ZNF385D: variants seen among roughly 807,000 people sequenced by gnomAD.
The protein encoded by ZNF385D is zinc finger protein 385D, also known as zinc finger protein 659.
ZNF385D carries 15 observed loss-of-function variants against 35.8 expected under a neutral mutation model. The observed-to-expected ratio is 0.42, with a 90% CI of 0.28 to 0.64. ZNF385D has a LOEUF of 0.64. ZNF385D is among the 30% of genes least tolerant of loss of function. The pLI, the probability that ZNF385D is intolerant of heterozygous loss-of-function variation, is 0.23. For synonymous variants in ZNF385D, 212 were observed against 186.8 expected, an observed-to-expected ratio of 1.13 and a Z score of -1.10; for missense variants, 474 against 494.6, an observed-to-expected ratio of 0.96 and a Z score of 0.39.
At chr3:21,783,015 T>C (rs2071550898) in intron 3 of ZNF385D, among the ~76,000 whole-genome samples, 1 of 152,142 alleles carries the variant, frequency 6.6e-6, no homozygotes, top group African/African-American at 2.4e-5. Flanking sequence ...TTTCTACTTA[T>C]AGCCCTGACC....
chr3:21,665,095 T>C (rs536988519), intron 1 of ZNF385D, 67 bp from the exon 2 acceptor site: 2 of 1,494,348 alleles, frequency 1.3e-6, no homozygotes, highest in Admixed American at 2.5e-5. Context: ...CAAAGTTGCT[T>C]TTGAGACAAA....
intron 4 of ZNF385D, among the ~76,000 whole-genome samples, chr3:21,498,513 A>G (rs1419109334): frequency 2.0e-5 from 3 of 152,202 alleles, no homozygotes; most frequent in African/African-American, 7.2e-5. Context: ...ATTTACAAGC[A>G]AAAAACAAGC....
rs139145918 is a variant in ZNF385D at position 21,429,181 on chromosome 3, T to C, written c.674-3511A>G. Reference sequence around the variant, plus strand: ...AAATCATACATTAGAAATAATTTATTAGGTCACAAGATAAATTTAAAAAAA... The same window carrying C: ...AAATCATACATTAGAAATAATTTATCAGGTCACAAGATAAATTTAAAAAAA... On this transcript the variant is annotated intron_variant, in intron 5 of 7. Coordinates refer to ENST00000281523, the MANE Select transcript of ZNF385D (RefSeq NM_024697.3). Among the ~76,000 whole-genome samples, 259 of 151,926 alleles carry C rather than the reference T, an allele frequency of 1.7e-3. 10 individuals carry two copies. The East Asian group carries it at 0.046, about 27-fold the overall frequency.
intron 2 of ZNF385D, among the ~76,000 whole-genome samples, chr3:22,342,042 A>C (rs1340313915): frequency 6.6e-6 from 1 of 151,972 alleles, no homozygotes; most frequent in African/African-American, 2.4e-5. Context: ...TTGGGAGGCC[A>C]AGGCAGGCAG....
chr3:21,809,669 T>C (rs6770993), intron 3 of ZNF385D, among the ~76,000 whole-genome samples: 3 of 149,358 alleles, frequency 2.0e-5, no homozygotes, highest in African/African-American at 5.0e-5. Flanking sequence ...TATATACACA[T>C]ATATACACAC....
intron 3 of ZNF385D, among the ~76,000 whole-genome samples, chr3:22,078,213 A>C (rs891502954): frequency 2.0e-5 from 3 of 152,054 alleles, no homozygotes; most frequent in African/African-American, 7.2e-5. Context: ...AAATAATCAC[A>C]GCATAGACCC....
chr3:21,889,740 C>G (rs902633486), intron 3 of ZNF385D, among the ~76,000 whole-genome samples: 3 of 152,098 alleles, frequency 2.0e-5, no homozygotes, highest in African/African-American at 7.2e-5. Context: ...GCTGCCATGA[C>G]AAAGTACCAT....
intron 3 of ZNF385D, among the ~76,000 whole-genome samples, chr3:21,550,670 A>T (rs1305124659): frequency 6.6e-6 from 1 of 152,102 alleles, no homozygotes; most frequent in Non-Finnish European, 1.5e-5. Flanking sequence ...TTTAACAGAG[A>T]CAGAGTTTCA....
Position 21,421,104 on chromosome 3 carries a change from C to T in ZNF385D, c.*110G>A, listed in dbSNP as rs972093174. On this transcript the variant is annotated 3_prime_UTR_variant, in exon 8 of 8. Coordinates refer to ENST00000281523, the MANE Select transcript of ZNF385D (RefSeq NM_024697.3). ...TTCAATTCACTATCAAAAGTCCTGG[C>T]TCTTCAGATATACTTTAAACTATAA... The T allele has an allele frequency of 2.0e-5, 10 of 504,612 alleles. No individual in the cohort carries two copies. The highest frequency in any genetic ancestry group is 2.5e-5 in the Non-Finnish European group (9 of 362,626). The allele number at this position is 504,612 out of a possible 1,614,324, so 31.3% of individuals were successfully genotyped here. A position where few individuals can be genotyped will look rare whatever the true frequency, so the allele number is the denominator to read the frequency against.
chr3:21,996,534 A>G (rs1559832261), intron 3 of ZNF385D, among the ~76,000 whole-genome samples: 1 of 152,154 alleles, frequency 6.6e-6, no homozygotes, highest in Non-Finnish European at 1.5e-5. Flanking sequence ...ACCTCTACTG[A>G]AACTCATATT....
chr3:21,543,441 A>G (rs758415123), intron 3 of ZNF385D, among the ~76,000 whole-genome samples: 18 of 152,006 alleles, frequency 1.2e-4, no homozygotes, highest in Non-Finnish European at 2.4e-4. Context: ...CTTTTTCCAG[A>G]CGGACTAGCG....
intron 3 of ZNF385D, among the ~76,000 whole-genome samples, chr3:22,159,923 T>C (rs372492998): frequency 1.3e-5 from 2 of 152,092 alleles, no homozygotes; most frequent in African/African-American, 4.8e-5. Context: ...ATGGTTTGGT[T>C]GTGTCCCCAG....
intron 2 of ZNF385D, among the ~76,000 whole-genome samples, chr3:21,615,791 A>AGT (rs1342670645): frequency 1.8e-5 from 1 of 55,696 alleles, no homozygotes; most frequent in Non-Finnish European, 3.4e-5. Flanking sequence ...AAATGGAGAA[A>AGT]GAGTGTGTGT....
At chr3:21,999,387 T>C (rs1695693997) in intron 3 of ZNF385D, among the ~76,000 whole-genome samples, 1 of 152,100 alleles carries the variant, frequency 6.6e-6, no homozygotes, top group Non-Finnish European at 1.5e-5. Flanking sequence ...AATCTTAGTG[T>C]ATGGGATGAC....
At chr3:21,535,449 C>T (rs1177919423) in intron 3 of ZNF385D, among the ~76,000 whole-genome samples, 2 of 152,046 alleles carry the variant, frequency 1.3e-5, no homozygotes, top group African/African-American at 4.8e-5. Flanking sequence ...CTACAAAGAT[C>T]ACATCGCATG....
intron 3 of ZNF385D, among the ~76,000 whole-genome samples, chr3:22,024,414 A>G (rs770004681): frequency 3.9e-5 from 6 of 152,090 alleles, no homozygotes; most frequent in South Asian, 2.1e-4. Context: ...GTGGTTCTAG[A>G]ATATTAAGGA....
chr3:22,270,476 T>C (rs1010081447), intron 2 of ZNF385D, among the ~76,000 whole-genome samples: 1 of 152,082 alleles, frequency 6.6e-6, no homozygotes, highest in Non-Finnish European at 1.5e-5. Context: ...AAAATTTCCA[T>C]GTGAGCTTAC....
chr3:21,885,985 C>A (rs147660766), intron 3 of ZNF385D, among the ~76,000 whole-genome samples: 2 of 152,222 alleles, frequency 1.3e-5, no homozygotes, highest in African/African-American at 4.8e-5. Flanking sequence ...TCAAAGTCCA[C>A]TGATTTAAGT....
At chr3:21,503,484 A>T (rs1320909577) in intron 4 of ZNF385D, among the ~76,000 whole-genome samples, 1 of 152,154 alleles carries the variant, frequency 6.6e-6, no homozygotes, top group Non-Finnish European at 1.5e-5. Context: ...AAGGATATTG[A>T]GGTTGATTTT....
Sources: allele counts gnomAD v4.1 joint callset (sites outside exome capture counted in the v4.1 genomes callset), GRCh38; gene constraint gnomAD v4.1.1; transcripts MANE v1.5; gene names NCBI Gene and HGNC (gene_info 2026-07-23, HGNC 2026-07-21).